The following EPS15L1 variants were observed in gnomAD, a reference collection of about 807,000 sequenced individuals.
EPS15L1 encodes epidermal growth factor receptor pathway substrate 15 like 1.
EPS15L1 carries 43 observed loss-of-function variants against 117.1 expected under a neutral mutation model. The observed-to-expected ratio is 0.37, with a 90% CI of 0.29 to 0.47. EPS15L1 has a LOEUF of 0.47. EPS15L1 is among the 20% of genes least tolerant of loss of function. EPS15L1 has a pLI of 0.99. For synonymous variants in EPS15L1, 459 were observed against 470.5 expected (o/e 0.98, Z 0.32); for missense variants, 981 against 1,164.0 (o/e 0.84, Z 2.29).
intron 16 of EPS15L1, chr19:16,401,480 G>T (rs954227528): frequency 1.0e-6 from 1 of 985,684 alleles, no homozygotes; most frequent in East Asian, 1.1e-4. Context: ...TGGCAGCACG[G>T]AGAGAGCTGC....
rs796623648 is a variant in EPS15L1, at chr19:16,445,770, G to A, written c.34-3551C>T. ...CCAAAGTGAGCCTGGGGCCAAGCCC[G>A]AGGCAACAGCAGAGAGGGGACGCAC... On this transcript the variant is annotated intron_variant, in intron 1 of 23. Coordinates refer to ENST00000455140, the MANE Select transcript of EPS15L1 (RefSeq NM_001258374.3). 4.4e-4 allele frequency among the ~76,000 whole-genome samples: 67 copies of A among 152,278 alleles called. 2 individuals are homozygous for A. The highest frequency in any genetic ancestry group is 1.6e-3 in the African/African-American group (65 of 41,546).
intron 16 of EPS15L1, chr19:16,401,949 G>A (rs1200191096): frequency 2.9e-6 from 3 of 1,031,216 alleles, no homozygotes; most frequent in Non-Finnish European, 3.5e-6. Flanking sequence ...CCTGCCCCCT[G>A]ATTAGTAGAA....
At chr19:16,440,207 C>G (rs2093017386) in intron 4 of EPS15L1, among the ~76,000 whole-genome samples, 1 of 151,994 alleles carries the variant, frequency 6.6e-6, no homozygotes, top group South Asian at 2.1e-4. Flanking sequence ...CCGAGGTGGG[C>G]AGATCACCTG....
chr19:16,396,893 T>C (rs1363091227), intron 16 of EPS15L1, among the ~76,000 whole-genome samples: 4 of 151,666 alleles, frequency 2.6e-5, no homozygotes, highest in Non-Finnish European at 5.9e-5. Context: ...ATGAGAACCC[T>C]AGAGTCATCA....
intron 19 of EPS15L1, among the ~76,000 whole-genome samples, chr19:16,388,119 T>C (rs1298824123): frequency 6.6e-6 from 1 of 152,180 alleles, no homozygotes; most frequent in Admixed American, 6.5e-5. Context: ...CTCAGCTCAC[T>C]GCAACCTCTG....
At chr19:16,445,883 T>C (rs73511162) in intron 1 of EPS15L1, among the ~76,000 whole-genome samples, 6,969 of 152,286 alleles carry the variant, frequency 0.046, 234 homozygotes, top group African/African-American at 0.1. Flanking sequence ...GCTGACCCGA[T>C]GTGTTCTCCT....
At position 16,413,763 on chromosome 19, in the gene EPS15L1, A is replaced by G; in HGVS notation, c.1266+10T>C. The G allele has an allele frequency of 1.2e-6, 2 of 1,612,696 alleles. No homozygotes were observed. Among genetic ancestry groups the G allele is most frequent in the Non-Finnish European group, 1.7e-6 (2 of 1,178,696 alleles). On this transcript the variant is annotated intron_variant, in intron 13 of 23. Transcript: ENST00000455140. The stretch of plus-strand genomic sequence containing the variant: ...AAAGTAGATGTAACCAAAACGAACG[A>G]GACCCTTACCTGCACCTCGCTGGTT...
intron 13 of EPS15L1, among the ~76,000 whole-genome samples, chr19:16,406,709 C>T (rs12460131): frequency 0.024 from 3,667 of 152,350 alleles, 121 homozygotes; most frequent in Admixed American, 0.086. Flanking sequence ...TTTACCTCCT[C>T]CTCAAACCAA....
At chr19:16,366,431 G>A (rs898751676) in intron 22 of EPS15L1, among the ~76,000 whole-genome samples, 5 of 152,068 alleles carry the variant, frequency 3.3e-5, no homozygotes, top group Non-Finnish European at 5.9e-5. Flanking sequence ...TGGGAGGAGC[G>A]GTTAAGAATT....
At chr19:16,454,067 AG>A (rs1351442684) in intron 1 of EPS15L1, among the ~76,000 whole-genome samples, 1 of 152,180 alleles carries the variant, frequency 6.6e-6, no homozygotes, top group Non-Finnish European at 1.5e-5. Context: ...CATGGCTACA[AG>A]GTCTGCTCCT....
intron 1 of EPS15L1, among the ~76,000 whole-genome samples, chr19:16,451,528 TA>T (rs779467040): frequency 2.6e-5 from 4 of 151,334 alleles, no homozygotes; most frequent in Non-Finnish European, 5.9e-5. Context: ...TTATTTATTT[TA>T]TTTTTTTTAT....
chr19:16,460,215 C>G (rs1175382874), intron 1 of EPS15L1, among the ~76,000 whole-genome samples: 2 of 152,152 alleles, frequency 1.3e-5, no homozygotes, highest in Admixed American at 6.5e-5. Context: ...ACCCAGGAGT[C>G]TGAGGCTGCA....
At chr19:16,415,257 A>G (rs1363247811) in intron 12 of EPS15L1, among the ~76,000 whole-genome samples, 1 of 152,192 alleles carries the variant, frequency 6.6e-6, no homozygotes, top group Non-Finnish European at 1.5e-5. Context: ...ATCTGCCGGT[A>G]TCTGGAGGTT....
intron 21 of EPS15L1, among the ~76,000 whole-genome samples, chr19:16,380,715 A>G (rs929434552): frequency 6.6e-6 from 1 of 152,240 alleles, no homozygotes; most frequent in Non-Finnish European, 1.5e-5. Context: ...TCTGGCATCT[A>G]GTCACACAGA....
In EPS15L1 at chr19:16,405,960, G is replaced by A. The variant is rs957118530; in HGVS notation, c.1267-1211C>T. Among the ~76,000 whole-genome samples, 1 of 152,216 alleles carries A rather than the reference G, an allele frequency of 6.6e-6. No individual in the cohort carries two copies. The highest frequency in any genetic ancestry group is 1.5e-5 in the Non-Finnish European group (1 of 68,044). On this transcript the variant is annotated intron_variant, in intron 13 of 23. Transcript: ENST00000455140. The surrounding 1 kb of genome is among the most constrained non-coding windows in gnomAD (Gnocchi z 4.0). ...GGTGCAAGGGGCCATCAGGACGCAG[G>A]AACTGCAGGGGCCTCGGGTGGGGTC...
rs116296355 is a variant in EPS15L1 at position 16,441,109 on chromosome 19, C to T, written c.166-200G>A. On this transcript the variant is annotated intron_variant, in intron 3 of 23. Transcript: ENST00000455140. The stretch of plus-strand genomic sequence containing the variant: ...CGCACAGCCAGTCAGCGGCAGGGCC[C>T]AGAGGACATCCAGGTGCACTCAGCT... 3.7e-4 allele frequency: 233 copies of T among 621,400 alleles called. 1 individual carries two copies. In the African/African-American group the frequency reaches 4.0e-3, roughly 11 times the overall value. 38.5% of individuals were successfully genotyped at this position (621,400 alleles called of 1,614,324 possible). A position where few individuals can be genotyped will look rare whatever the true frequency, so the allele number is the denominator to read the frequency against.
chr19:16,368,230 C>A (rs1226954069), intron 22 of EPS15L1, among the ~76,000 whole-genome samples: 1 of 152,110 alleles, frequency 6.6e-6, no homozygotes, highest in South Asian at 2.1e-4. Context: ...ACATACACAA[C>A]CATCATTGAT....
chr19:16,439,408 G>A (rs1004941442), intron 4 of EPS15L1, among the ~76,000 whole-genome samples: 7 of 152,168 alleles, frequency 4.6e-5, no homozygotes, highest in South Asian at 2.1e-4. Context: ...ATGCAGACAT[G>A]AGGCCGGGCA....
chr19:16,388,484 T>C (rs1239448729), intron 19 of EPS15L1, among the ~76,000 whole-genome samples: 1 of 152,102 alleles, frequency 6.6e-6, no homozygotes, highest in African/African-American at 2.4e-5. Context: ...ATCTTGAAAG[T>C]AGCCAGAGAA....
Sources: gnomAD v4.1 joint callset for allele counts (sites outside exome capture counted in the v4.1 genomes callset) on GRCh38, gnomAD v4.1.1 for gene constraint, Gnocchi (gnomAD v3.1) non-coding constraint, MANE v1.5 for transcripts, NCBI Gene and HGNC (gene_info 2026-07-23, HGNC 2026-07-21) for gene names.